HSP90AA1: variants seen among roughly 807,000 people sequenced by gnomAD.
HSP90AA1 encodes heat shock protein HSP 90-alpha.
A neutral mutation model predicts 73.3 loss-of-function variants in HSP90AA1; 18 were observed. The ratio of observed to expected loss-of-function variants is 0.25; its 90% CI spans 0.17 to 0.36. HSP90AA1 has a LOEUF of 0.36. Among genes scored for constraint, HSP90AA1 ranks in the 10% least tolerant of loss-of-function variants. The probability of loss-of-function intolerance (pLI) is 1.00; values close to 1 mark genes in which losing one functional copy is unlikely to be tolerated. For synonymous variants in HSP90AA1, 477 were observed against 296.9 expected, an observed-to-expected ratio of 1.61 and a Z score of -6.24; for missense variants, 704 against 874.2, an observed-to-expected ratio of 0.81 and a Z score of 2.45.
chr14:102,084,914 TCTC>T lies in HSP90AA1; in HGVS notation c.745_747del (p.Glu249del). 2 of 1,580,732 alleles carry T rather than the reference TCTC, an allele frequency of 1.3e-6. No homozygotes were observed. The highest frequency in any genetic ancestry group is 1.7e-6 in the Non-Finnish European group (2 of 1,150,024). Reference sequence around the variant, plus strand: ...ATTTCAGGTTTGTCTTCCGACTCTTTCTCTTCTTTTTCTTTTTCTTCTTCTTTG... The same window carrying T: ...ATTTCAGGTTTGTCTTCCGACTCTTTTTCTTTTTCTTTTTCTTCTTCTTTG... On this transcript the variant is annotated inframe_deletion, in exon 5 of 11. Coordinates refer to ENST00000216281, the MANE Select transcript of HSP90AA1 (RefSeq NM_005348.4).
intron 1 of HSP90AA1, among the ~76,000 whole-genome samples, chr14:102,128,083 G>T (rs1224152393): frequency 1.3e-5 from 2 of 152,164 alleles, no homozygotes; most frequent in Non-Finnish European, 2.9e-5. Context: ...TACATGGGAG[G>T]AGGCAGTGCA....
chr14:102,122,366 C>T (rs2049788676), intron 1 of HSP90AA1, among the ~76,000 whole-genome samples: 1 of 151,078 alleles, frequency 6.6e-6, no homozygotes, highest in Non-Finnish European at 1.5e-5. Flanking sequence ...GTGCAAGCTC[C>T]ACCTCCCAGG....
intron 1 of HSP90AA1, among the ~76,000 whole-genome samples, chr14:102,116,108 C>T (rs143499093): frequency 0.022 from 3,339 of 152,176 alleles, 76 homozygotes; most frequent in South Asian, 0.1. Flanking sequence ...CCCGCCACCA[C>T]GCCCAACTAA....
chr14:102,105,206 C>CAAAA lies in HSP90AA1; in HGVS notation c.156-3125_156-3122dup, dbSNP rs35778744. 4.0e-3 allele frequency among the ~76,000 whole-genome samples: 81 copies of CAAAA among 20,440 alleles called. 3 individuals are homozygous for CAAAA. Among genetic ancestry groups the CAAAA allele is most frequent in the Non-Finnish European group, 6.3e-3 (71 of 11,292 alleles). 13.4% of individuals were successfully genotyped at this position (20,440 alleles called of 152,430 possible). ...TGGGCGACAGAGTGAGAGTCTGTCT[C>CAAAA]AAAAAAAAAAAACAAAAAAAAAACC... is the stretch of plus-strand genomic sequence containing the variant. On this transcript the variant is annotated intron_variant, in intron 1 of 11. Transcript: ENST00000334701.
chr14:102,137,077 G>A (rs1157729391), intron 1 of HSP90AA1, among the ~76,000 whole-genome samples: 1 of 151,702 alleles, frequency 6.6e-6, no homozygotes. Context: ...AGCTGGGTGT[G>A]GTGGCATGCG....
intron 2 of HSP90AA1, among the ~76,000 whole-genome samples, chr14:102,099,351 G>C (rs2049464644): frequency 6.6e-6 from 1 of 152,224 alleles, no homozygotes; most frequent in Non-Finnish European, 1.5e-5. Context: ...CTGAGGTCAA[G>C]AGTTCGAGAG....
rs376179120 is a variant in HSP90AA1 at position 102,121,387 on chromosome 14, T to C, written c.155+17863A>G. Among the ~76,000 whole-genome samples, 21 of 152,324 alleles carry C rather than the reference T, an allele frequency of 1.4e-4. No individual in the cohort carries two copies. In the East Asian group the frequency reaches 3.3e-3, roughly 24 times the overall value. ...AACAATGCTTTGGTGAAAATCCTTA[T>C]ACACATAATCTTTGTACATTTATGC... On this transcript the variant is annotated intron_variant, in intron 1 of 11. Coordinates refer to the HSP90AA1 transcript ENST00000334701.
chr14:102,118,548 GT>G (rs2049736912), intron 1 of HSP90AA1, among the ~76,000 whole-genome samples: 1 of 151,436 alleles, frequency 6.6e-6, no homozygotes. Flanking sequence ...GTCACTTTTT[GT>G]TTTTTATATT....
At chr14:102,107,417 C>T (rs182751254) in intron 1 of HSP90AA1, among the ~76,000 whole-genome samples, 6 of 152,058 alleles carry the variant, frequency 3.9e-5, no homozygotes, top group East Asian at 1.9e-4. Context: ...CTCTGCCTCC[C>T]GGGTTCAAGC....
In HSP90AA1 at chr14:102,083,031, T is replaced by TA. The variant is rs1262572363; in HGVS notation, c.1755+2dup. On this transcript the variant is annotated splice_region_variant and intron_variant, in intron 9 of 10. Coordinates refer to ENST00000216281, the MANE Select transcript of HSP90AA1 (RefSeq NM_005348.4). ...ATGATCAGGAAATGCTGTATTCACA[T>TA]ACCTTTTCAACTTTTTTCTCCAATA... 6.2e-7 allele frequency: 1 copy of TA among 1,613,678 alleles called. No homozygotes were observed.
chr14:102,139,232 T>A, intron 1 of HSP90AA1: 1 of 1,613,894 alleles, frequency 6.2e-7, no homozygotes, highest in Non-Finnish European at 8.5e-7. Context: ...GAAGCGTAAA[T>A]CTTGAGTCCC....
At chr14:102,139,154 T>C (rs2050148935) in intron 1 of HSP90AA1, 1 of 1,433,314 alleles carries the variant, frequency 7.0e-7, no homozygotes, top group Non-Finnish European at 9.7e-7. Flanking sequence ...TTAGGATATC[T>C]GGCTTGAGAA....
At chr14:102,092,129 C>A (rs972420232) in intron 2 of HSP90AA1, among the ~76,000 whole-genome samples, 1 of 151,268 alleles carries the variant, frequency 6.6e-6, no homozygotes, top group Non-Finnish European at 1.5e-5. Flanking sequence ...TGCAGTGTCG[C>A]GTGCTCTTGG....
At chr14:102,137,916 G>GA (rs2050038323) in intron 1 of HSP90AA1, among the ~76,000 whole-genome samples, 1 of 151,762 alleles carries the variant, frequency 6.6e-6, no homozygotes, top group Admixed American at 6.6e-5. Flanking sequence ...TCGGGAGGCT[G>GA]AAGCAGGAGA....
intron 1 of HSP90AA1, among the ~76,000 whole-genome samples, chr14:102,130,967 C>T (rs2049900847): frequency 1.3e-5 from 2 of 152,196 alleles, no homozygotes; most frequent in Non-Finnish European, 2.9e-5. Flanking sequence ...GATCCTCCTG[C>T]CTCAGCCTCC....
chr14:102,135,075 A>G (rs1237362520), intron 1 of HSP90AA1, among the ~76,000 whole-genome samples: 1 of 152,180 alleles, frequency 6.6e-6, no homozygotes, highest in Non-Finnish European at 1.5e-5. Flanking sequence ...TGGTGCATTC[A>G]CAAACCTTGA....
At chr14:102,082,940 T>C (rs192891267) in intron 9 of HSP90AA1, 94 bp downstream of exon 9, 1 of 1,331,378 alleles carries the variant, frequency 7.5e-7, no homozygotes, top group Middle Eastern at 1.8e-4. Flanking sequence ...AGTTTTCTGT[T>C]TTAAGTTGAA....
chr14:102,087,610 C>G (rs576269548), upstream of HSP90AA1, among the ~76,000 whole-genome samples: 1 of 152,266 alleles, frequency 6.6e-6, no homozygotes, highest in East Asian at 1.9e-4. Flanking sequence ...CCGCAAGCGG[C>G]GCCGGGATCG....
chr14:102,133,001 T>C (rs776101471), intron 1 of HSP90AA1, among the ~76,000 whole-genome samples: 13 of 149,620 alleles, frequency 8.7e-5, no homozygotes, highest in Admixed American at 2.7e-4. Context: ...GGGGGCGGGC[T>C]GGGCGCAGTG....
Sources: allele counts gnomAD v4.1 joint callset (sites outside exome capture counted in the v4.1 genomes callset), GRCh38; gene constraint gnomAD v4.1.1; transcripts MANE v1.5; gene names NCBI Gene and HGNC (gene_info 2026-07-23, HGNC 2026-07-21).